PPM1L: variants seen among roughly 807,000 people sequenced by gnomAD.
PPM1L encodes protein phosphatase, Mg2+/Mn2+ dependent 1L.
A neutral mutation model predicts 31.4 loss-of-function variants in PPM1L; 13 were observed. That is an observed-to-expected ratio of 0.41 (90% CI 0.27 to 0.66). The LOEUF is 0.66. Among genes scored for constraint, PPM1L ranks in the 30% least tolerant of loss-of-function variants. The probability of loss-of-function intolerance (pLI) is 0.29; values close to 1 mark genes in which losing one functional copy is unlikely to be tolerated. For missense variants in PPM1L, 326 were observed against 453.7 expected, an observed-to-expected ratio of 0.72 and a Z score of 2.56; for synonymous variants, 184 against 175.4, an observed-to-expected ratio of 1.05 and a Z score of -0.39.
intron 2 of PPM1L, among the ~76,000 whole-genome samples, chr3:161,046,733 T>C (rs1216421567): frequency 6.6e-6 from 1 of 152,164 alleles, no homozygotes; most frequent in Non-Finnish European, 1.5e-5. Context: ...TCAAAAAGTT[T>C]ATCCACCATG....
intron 1 of PPM1L, among the ~76,000 whole-genome samples, chr3:160,872,441 A>T (rs1180065466): frequency 6.6e-6 from 1 of 152,180 alleles, no homozygotes; most frequent in Non-Finnish European, 1.5e-5. Context: ...GGAACTGGGG[A>T]TATAGCAGTC....
intron 2 of PPM1L, among the ~76,000 whole-genome samples, chr3:160,982,298 C>G (rs1414056621): frequency 6.6e-6 from 1 of 152,142 alleles, no homozygotes; most frequent in African/African-American, 2.4e-5. Flanking sequence ...TCTAGAGCTT[C>G]CTAACACTGT....
In PPM1L at chr3:160,804,579, T is replaced by C. The variant is rs115937050; in HGVS notation, c.399+47872T>C. ...ATTTATTTTGTTTGAGAATTAGTTG[T>C]AGCCATGTGTCTGTGATGTATTCCT... is the stretch of plus-strand genomic sequence containing the variant. On this transcript the variant is annotated intron_variant, in intron 1 of 3. Coordinates refer to ENST00000498165, the MANE Select transcript of PPM1L (RefSeq NM_139245.4). 7.0e-3 allele frequency among the ~76,000 whole-genome samples: 1,062 copies of C among 152,352 alleles called. 10 individuals carry two copies. Among genetic ancestry groups the C allele is most frequent in the African/African-American group, 0.025 (1,027 of 41,576 alleles).
intron 1 of PPM1L, among the ~76,000 whole-genome samples, chr3:160,761,496 A>G (rs1486100502): frequency 6.6e-6 from 1 of 152,206 alleles, no homozygotes; most frequent in Non-Finnish European, 1.5e-5. Context: ...AGGATGCTGA[A>G]TTATGTAACT....
intron 2 of PPM1L, among the ~76,000 whole-genome samples, chr3:161,024,302 G>T (rs1348410738): frequency 6.7e-6 from 1 of 148,426 alleles, no homozygotes; most frequent in African/African-American, 2.5e-5. Flanking sequence ...ATAGTCTTTT[G>T]TTTGGCTTTC....
chr3:160,861,626 A>G (rs916106333), intron 1 of PPM1L, among the ~76,000 whole-genome samples: 1 of 152,134 alleles, frequency 6.6e-6, no homozygotes, highest in Non-Finnish European at 1.5e-5. Context: ...TGTTGTATGT[A>G]TTGATGATGG....
At chr3:160,843,300 C>T (rs150699067) in intron 1 of PPM1L, among the ~76,000 whole-genome samples, 143 of 150,796 alleles carry the variant, frequency 9.5e-4, no homozygotes, top group African/African-American at 3.4e-3. Flanking sequence ...CTTTAGAGCA[C>T]GCCTGTCCAA....
intron 2 of PPM1L, among the ~76,000 whole-genome samples, chr3:160,970,077 TCACTTGTAATAA>T (rs1359233566): frequency 6.6e-6 from 1 of 152,194 alleles, no homozygotes; most frequent in Non-Finnish European, 1.5e-5. Flanking sequence ...CCTATAAAGG[TCACTTGTAATAA>T]CTGCAGTACT....
chr3:160,834,885 A>G (rs1247035038), intron 1 of PPM1L, among the ~76,000 whole-genome samples: 1 of 152,096 alleles, frequency 6.6e-6, no homozygotes, highest in African/African-American at 2.4e-5. Flanking sequence ...TAATGCTGTC[A>G]TGAACATTGA....
intron 1 of PPM1L, among the ~76,000 whole-genome samples, chr3:160,929,102 C>T (rs1432565633): frequency 1.3e-5 from 2 of 151,982 alleles, no homozygotes; most frequent in African/African-American, 4.8e-5. Context: ...AGAGTTTCAA[C>T]TCATCTAGTA....
At chr3:160,860,155 A>G (rs1711840007) in intron 1 of PPM1L, among the ~76,000 whole-genome samples, 1 of 152,204 alleles carries the variant, frequency 6.6e-6, no homozygotes, top group Non-Finnish European at 1.5e-5. Flanking sequence ...GGATAGTTTC[A>G]GATTTTAAAA....
At chr3:160,867,737 A>G (rs569197049) in intron 1 of PPM1L, among the ~76,000 whole-genome samples, 1 of 152,328 alleles carries the variant, frequency 6.6e-6, no homozygotes, top group Middle Eastern at 3.4e-3. Context: ...GGTGAAATGC[A>G]GCAGACACAG....
chr3:160,958,414 A>G (rs181463057), intron 1 of PPM1L, among the ~76,000 whole-genome samples: 2 of 152,332 alleles, frequency 1.3e-5, no homozygotes, highest in East Asian at 1.9e-4. Context: ...TCAATAATAT[A>G]GAGTACATCA....
intron 2 of PPM1L, among the ~76,000 whole-genome samples, chr3:161,041,111 A>G (rs552363684): frequency 6.6e-5 from 10 of 152,100 alleles, no homozygotes; most frequent in Admixed American, 3.3e-4. Context: ...GGCCTCCACA[A>G]TCTTTTATCT....
intron 1 of PPM1L, among the ~76,000 whole-genome samples, chr3:160,780,837 G>C (rs1711723616): frequency 1.3e-5 from 2 of 152,054 alleles, no homozygotes; most frequent in Non-Finnish European, 2.9e-5. Flanking sequence ...GGGCACACAT[G>C]GTTCAGTTCT....
chr3:161,003,604 G>A (rs1717585967), intron 2 of PPM1L, among the ~76,000 whole-genome samples: 1 of 152,074 alleles, frequency 6.6e-6, no homozygotes, highest in Admixed American at 6.6e-5. Context: ...TGATGCAATT[G>A]TGAATGGGAG....
rs776003216 is a variant in PPM1L at position 161,071,971 on chromosome 3, A to T, written c.*2814A>T. On this transcript the variant is annotated 3_prime_UTR_variant, in exon 4 of 4. Transcript: ENST00000498165. The stretch of plus-strand genomic sequence containing the variant: ...ATTGCCAATAGTCCCCATGGTGCCA[A>T]ATTTTGGGATGGTTTTACAGTCTTT... 8 of 152,126 alleles carry T rather than the reference A, an allele frequency of 5.3e-5. No individual in the cohort carries two copies. Among genetic ancestry groups the T allele is most frequent in the Admixed American group, 5.2e-4 (8 of 15,268 alleles). The allele number at this position is 152,126 out of a possible 1,614,324, so 9.4% of individuals were successfully genotyped here. A position where few individuals can be genotyped will look rare whatever the true frequency, so the allele number is the denominator to read the frequency against.
chr3:160,937,448 G>A (rs563507342), intron 1 of PPM1L, among the ~76,000 whole-genome samples: 4 of 151,874 alleles, frequency 2.6e-5, no homozygotes, highest in Non-Finnish European at 1.5e-5. Flanking sequence ...GTGAAACCCC[G>A]TCTCTACTAA....
intron 2 of PPM1L, among the ~76,000 whole-genome samples, chr3:160,973,422 C>G (rs918580750): frequency 1.3e-5 from 2 of 152,200 alleles, no homozygotes; most frequent in African/African-American, 4.8e-5. Flanking sequence ...GTATCTCTTC[C>G]TTTCTGTACT....
Sources: gnomAD v4.1 joint callset for allele counts (sites outside exome capture counted in the v4.1 genomes callset) on GRCh38, gnomAD v4.1.1 for gene constraint, MANE v1.5 for transcripts, NCBI Gene and HGNC (gene_info 2026-07-23, HGNC 2026-07-21) for gene names.